Variants in CHRM5 observed in about 807,000 individuals in gnomAD.
The protein encoded by CHRM5 is muscarinic acetylcholine receptor M5.
A neutral mutation model predicts 39.0 loss-of-function variants in CHRM5; 18 were observed. The observed-to-expected ratio is 0.46, with a 90% CI of 0.32 to 0.68. The LOEUF (loss-of-function observed/expected upper bound fraction) is 0.68, where lower values mean the gene tolerates loss of function less well. Ranked by LOEUF, CHRM5 falls within the 30% of genes least tolerant of loss-of-function variation. CHRM5 has a pLI of 0.04. For synonymous variants in CHRM5, 241 were observed against 246.3 expected (o/e 0.98, Z 0.20); for missense variants, 515 against 651.1 (o/e 0.79, Z 2.28).
At chr15:33,997,222 C>T (rs776535789) in intron 1 of CHRM5, among the ~76,000 whole-genome samples, 2 of 152,106 alleles carry the variant, frequency 1.3e-5, no homozygotes, top group African/African-American at 4.8e-5. Flanking sequence ...AAACAATGCA[C>T]TGAAAGACAC....
chr15:34,017,558 G>A (rs1401175989), intron 1 of CHRM5, among the ~76,000 whole-genome samples: 2 of 134,264 alleles, frequency 1.5e-5, no homozygotes, highest in East Asian at 4.7e-4. Context: ...TCAGCTTATT[G>A]CAACCTCCAT....
intron 2 of CHRM5, among the ~76,000 whole-genome samples, chr15:34,051,616 G>A (rs1026198133): frequency 6.6e-6 from 1 of 151,830 alleles, no homozygotes; most frequent in Non-Finnish European, 1.5e-5. Context: ...GAAGAAAAGA[G>A]AGAAGAATCA....
chr15:34,021,209 G>A (rs1359740696), intron 1 of CHRM5, among the ~76,000 whole-genome samples: 1 of 151,658 alleles, frequency 6.6e-6, no homozygotes, highest in Admixed American at 6.6e-5. Flanking sequence ...TTTTGGAGAT[G>A]GAGTTTTGCT....
intron 1 of CHRM5, among the ~76,000 whole-genome samples, chr15:33,980,056 T>C (rs1229489591): frequency 6.6e-6 from 1 of 152,226 alleles, no homozygotes; most frequent in East Asian, 1.9e-4. Context: ...AGGGAGAAGA[T>C]TTAAGACATC....
At position 34,003,200 on chromosome 15, in the gene CHRM5, C is replaced by T. The variant is rs951595685; in HGVS notation, c.-408+34050C>T. ...TCTCCATAGGTCTCTGCATCGCTGT[C>T]ATCTTCAACCTGCAATCATTAGAGA... On this transcript the variant is annotated intron_variant, in intron 1 of 2. Transcript: ENST00000383263. 2.5e-6 allele frequency: 4 copies of T among 1,613,186 alleles called. No homozygotes were observed. In the African/African-American group the frequency reaches 4.0e-5, roughly 16 times the overall value.
At chr15:33,994,465 C>T (rs1038099097) in intron 1 of CHRM5, among the ~76,000 whole-genome samples, 1 of 152,144 alleles carries the variant, frequency 6.6e-6, no homozygotes, top group African/African-American at 2.4e-5. Context: ...AAATAAAGCA[C>T]ATAATAAATG....
chr15:33,995,778 G>A (rs912680380), intron 1 of CHRM5, among the ~76,000 whole-genome samples: 1 of 152,212 alleles, frequency 6.6e-6, no homozygotes, highest in African/African-American at 2.4e-5. Context: ...GCAGAAGACA[G>A]TGATTTCTGC....
At chr15:34,008,960 A>G (rs1298767387) in intron 1 of CHRM5, among the ~76,000 whole-genome samples, 5 of 149,610 alleles carry the variant, frequency 3.3e-5, no homozygotes, top group Admixed American at 3.3e-4. Context: ...GCGCGCACAC[A>G]CACACACACA....
chr15:34,046,937 A>C (rs185800309), intron 2 of CHRM5, 66 bp downstream of exon 2: 4 of 152,332 alleles, frequency 2.6e-5, no homozygotes, highest in African/African-American at 9.7e-5. Flanking sequence ...AACCCATGGA[A>C]AAGGAGATCT....
rs552386987 is a variant in CHRM5 at position 34,022,952 on chromosome 15, C to G, written c.-407-23588C>G. On this transcript the variant is annotated intron_variant, in intron 1 of 2. Coordinates refer to ENST00000383263, the MANE Select transcript of CHRM5 (RefSeq NM_012125.4). ...CCTGTAATCCCAGCACTTTGGGAGG[C>G]CGAGGCGGGCGGATCACAAGGTCAG... is the stretch of plus-strand genomic sequence containing the variant. Among the ~76,000 whole-genome samples the G allele has an allele frequency of 2.7e-3, 410 of 152,308 alleles. 2 individuals carry two copies. Among genetic ancestry groups the G allele is most frequent in the African/African-American group, 9.6e-3 (398 of 41,572 alleles).
chr15:33,997,636 G>GA (rs1019602750), intron 1 of CHRM5, among the ~76,000 whole-genome samples: 1 of 151,990 alleles, frequency 6.6e-6, no homozygotes, highest in Non-Finnish European at 1.5e-5. Context: ...CTTCTGCCCT[G>GA]AAAAAATCTG....
chr15:34,048,491 C>G (rs1012216910), intron 2 of CHRM5, among the ~76,000 whole-genome samples: 1 of 150,910 alleles, frequency 6.6e-6, no homozygotes, highest in African/African-American at 2.4e-5. Context: ...CTGGGCAGGA[C>G]CTCCATGTGG....
At chr15:33,986,513 G>C (rs963474847) in intron 1 of CHRM5, among the ~76,000 whole-genome samples, 11 of 152,090 alleles carry the variant, frequency 7.2e-5, no homozygotes, top group Non-Finnish European at 1.3e-4. Context: ...TACTTAGCTA[G>C]AAAGTAAGAG....
Position 33,974,392 on chromosome 15 carries a change from T to C in CHRM5, c.-408+5242T>C, listed in dbSNP as rs528735048. On this transcript the variant is annotated intron_variant, in intron 1 of 2. Transcript: ENST00000383263. Reference sequence around the variant, plus strand: ...GAATCTTTGCAAGTTACCTATGTTATATCTCCCCAAGTCATCTCTTCTCCT... The same window carrying C: ...GAATCTTTGCAAGTTACCTATGTTACATCTCCCCAAGTCATCTCTTCTCCT... Among the ~76,000 whole-genome samples, 4 of 152,356 alleles carry C rather than the reference T, an allele frequency of 2.6e-5. No individual in the cohort carries two copies. The South Asian group carries it at 8.3e-4, about 32-fold the overall frequency.
Position 34,064,515 on chromosome 15 carries a change from T to C in CHRM5, c.*199T>C. 6.1e-6 allele frequency: 4 copies of C among 655,442 alleles called. No individual in the cohort carries two copies. The South Asian group carries it at 6.2e-5, about 10-fold the overall frequency. 40.6% of individuals were successfully genotyped at this position (655,442 alleles called of 1,614,324 possible). A position where few individuals can be genotyped will look rare whatever the true frequency, so the allele number is the denominator to read the frequency against. On this transcript the variant is annotated 3_prime_UTR_variant, in exon 3 of 3. Transcript: ENST00000383263. ...AATTGCTGACATATTAAATGACTCT[T>C]GCCTATGACCAAGGCCATTTGATGC...
intron 1 of CHRM5, among the ~76,000 whole-genome samples, chr15:34,001,055 T>C (rs1490580333): frequency 1.3e-5 from 2 of 150,276 alleles, no homozygotes; most frequent in Non-Finnish European, 3.0e-5. Context: ...AGTTTTGCTC[T>C]TGTTGCCCAG....
rs1197109749 is a variant in CHRM5 at position 33,968,726 on chromosome 15, A to G, written c.-832A>G. 1 of 152,156 alleles carries G rather than the reference A, an allele frequency of 6.6e-6. No individual in the cohort carries two copies. Among genetic ancestry groups the G allele is most frequent in the Non-Finnish European group, 1.5e-5 (1 of 67,986 alleles). The allele number at this position is 152,156 out of a possible 1,614,324, so 9.4% of individuals were successfully genotyped here. On this transcript the variant is annotated 5_prime_UTR_variant, in exon 1 of 3. It removes an upstream start codon present in the reference 5' UTR. Coordinates refer to ENST00000383263, the MANE Select transcript of CHRM5 (RefSeq NM_012125.4). Reference sequence around the variant, plus strand: ...AACATCCATGCTTCTAGTCCAGATAATGTTTTTTAAAGCAGCTTGATTTGG... The same window carrying G: ...AACATCCATGCTTCTAGTCCAGATAGTGTTTTTTAAAGCAGCTTGATTTGG...
chr15:34,042,748 AGTT>A (rs1339677017), intron 1 of CHRM5, among the ~76,000 whole-genome samples: 1 of 152,086 alleles, frequency 6.6e-6, no homozygotes. Context: ...TCCTTAAGGT[AGTT>A]GTTCTCAAAA....
chr15:34,027,733 G>A (rs1175755047), intron 1 of CHRM5, among the ~76,000 whole-genome samples: 2 of 150,792 alleles, frequency 1.3e-5, no homozygotes, highest in Non-Finnish European at 2.9e-5. Flanking sequence ...TTCACTCTGT[G>A]CAAACAGTCC....
Sources: allele counts gnomAD v4.1 joint callset (sites outside exome capture counted in the v4.1 genomes callset), GRCh38; gene constraint gnomAD v4.1.1; transcripts MANE v1.5; gene names NCBI Gene and HGNC (gene_info 2026-07-23, HGNC 2026-07-21).